The following SLC25A24 variants were observed in gnomAD, a reference collection of about 807,000 sequenced individuals.
SLC25A24 encodes mitochondrial adenyl nucleotide antiporter SLC25A24.
Under a neutral mutation model 60.7 loss-of-function variants are expected in SLC25A24, and 49 were observed. The observed-to-expected ratio is 0.81, with a 90% CI of 0.64 to 1.02. The LOEUF is 1.02. Ranked by LOEUF, SLC25A24 falls within the 50% of genes least tolerant of loss-of-function variation. SLC25A24 has a pLI of 0.00. For missense variants in SLC25A24, 564 were observed against 586.3 expected, an observed-to-expected ratio of 0.96 and a Z score of 0.39; for synonymous variants, 202 against 200.6, an observed-to-expected ratio of 1.01 and a Z score of -0.06.
chr1:108,180,799 G>A (rs1647899099), intron 3 of SLC25A24, among the ~76,000 whole-genome samples: 1 of 152,116 alleles, frequency 6.6e-6, no homozygotes, highest in Non-Finnish European at 1.5e-5. Flanking sequence ...AATTTCCATT[G>A]TTTAATGCAT....
intron 3 of SLC25A24, among the ~76,000 whole-genome samples, chr1:108,164,864 A>G (rs1680199290): frequency 1.1e-5 from 1 of 94,384 alleles, no homozygotes; most frequent in Non-Finnish European, 2.2e-5. Flanking sequence ...TTGCTTTTCT[A>G]GTTCTTTTAA....
intron 3 of SLC25A24, among the ~76,000 whole-genome samples, chr1:108,172,911 G>A (rs1033832089): frequency 1.2e-4 from 18 of 151,582 alleles, no homozygotes; most frequent in African/African-American, 4.4e-4. Context: ...ATAAACACTA[G>A]TAATAATAAT....
intron 3 of SLC25A24, among the ~76,000 whole-genome samples, chr1:108,174,363 A>C (rs1225584737): frequency 6.6e-6 from 1 of 152,228 alleles, no homozygotes; most frequent in Non-Finnish European, 1.5e-5. Context: ...AGCTTCCACA[A>C]GGTGTTGAGT....
chr1:108,167,205 AG>A (rs1363249714), intron 3 of SLC25A24, among the ~76,000 whole-genome samples: 1 of 151,100 alleles, frequency 6.6e-6, no homozygotes, highest in Non-Finnish European at 1.5e-5. Flanking sequence ...GCTGTCAGAC[AG>A]GGACATTTAA....
intron 7 of SLC25A24, among the ~76,000 whole-genome samples, chr1:108,147,772 T>C (rs1488232171): frequency 1.3e-5 from 2 of 152,110 alleles, no homozygotes; most frequent in East Asian, 3.9e-4. Flanking sequence ...TGACCCCCAG[T>C]GATATTTGTC....
intron 3 of SLC25A24, among the ~76,000 whole-genome samples, chr1:108,178,504 C>T (rs536502231): frequency 2.0e-4 from 31 of 152,092 alleles, no homozygotes; most frequent in Non-Finnish European, 3.7e-4. Flanking sequence ...GTTTCTTTTC[C>T]GACCACAATA....
chr1:108,167,645 T>G (rs1305923819), intron 3 of SLC25A24, among the ~76,000 whole-genome samples: 1 of 152,200 alleles, frequency 6.6e-6, no homozygotes, highest in Non-Finnish European at 1.5e-5. Context: ...TCGCCCTGCT[T>G]CGGCTCGCGC....
rs1455709312 is a variant in SLC25A24 at position 108,155,117 on chromosome 1, C to T, written c.688G>A (p.Asp230Asn). ...AAGCCACCAAATATGTTCATTTTGT[C>T]TGATTTTGAACCGTGAACCTAAAAA... Reference protein sequence around the residue: ...IMMQVHGSKSDKMNIFGGFRQ... With the variant: ...IMMQVHGSKSNKMNIFGGFRQ... Residue 230 changes from aspartate (D) to asparagine (N), a missense_variant, in exon 6 of 10, where the codon GAC becomes AAC. Physicochemically the swap from Asp to Asn is conservative, Grantham distance 23. Transcript: ENST00000565488. 7 of 1,609,894 alleles carry T rather than the reference C, an allele frequency of 4.3e-6. No homozygotes were observed. Among genetic ancestry groups the T allele is most frequent in the Non-Finnish European group, 5.9e-6 (7 of 1,178,206 alleles).
intron 8 of SLC25A24, 65 bp downstream of exon 8, chr1:108,143,478 T>C: frequency 7.4e-7 from 1 of 1,355,282 alleles, no homozygotes; most frequent in South Asian, 1.4e-5. Context: ...TACTTCTTCA[T>C]ATAAAGTCCA....
chr1:108,199,940 C>A lies in SLC25A24; in HGVS notation c.183+16G>T. ...AGCCCTCCCTACGCTCAGGCGGCGCCCCGGCGGCGACCCACCTCCTCGGCG... is the reference window on the plus strand; with the variant it reads ...AGCCCTCCCTACGCTCAGGCGGCGCACCGGCGGCGACCCACCTCCTCGGCG... On this transcript the variant is annotated intron_variant, in intron 1 of 9. Transcript: ENST00000565488. The A allele has an allele frequency of 6.3e-7, 1 of 1,594,790 alleles. No individual in the cohort carries two copies. The highest frequency in any genetic ancestry group is 8.5e-7 in the Non-Finnish European group (1 of 1,170,790).
At chr1:108,193,346 C>A (rs1055361347) in intron 1 of SLC25A24, among the ~76,000 whole-genome samples, 3 of 137,554 alleles carry the variant, frequency 2.2e-5, no homozygotes, top group Non-Finnish European at 3.2e-5. Context: ...CTCCCTCCCC[C>A]CTTTTGGAGT....
intron 3 of SLC25A24, among the ~76,000 whole-genome samples, chr1:108,163,792 C>T (rs1680163109): frequency 6.6e-6 from 1 of 152,026 alleles, no homozygotes; most frequent in Non-Finnish European, 1.5e-5. Flanking sequence ...TTTCCTTCTC[C>T]TGCCTAACTG....
rs867464609 is a variant in SLC25A24, at chr1:108,187,779, G to A, written c.184-1825C>T. On this transcript the variant is annotated intron_variant, in intron 1 of 9. Transcript: ENST00000565488. ...ATTTTCCAACCCATTTTATGAGGCG[G>A]GTATACACTTGATTCTAAAACCTAA... Among the ~76,000 whole-genome samples the A allele has an allele frequency of 4.0e-5, 6 of 151,162 alleles. No homozygotes were observed. In the Middle Eastern group the frequency reaches 0.01, roughly 259 times the overall value.
intron 7 of SLC25A24, among the ~76,000 whole-genome samples, chr1:108,145,667 G>T (rs1679571226): frequency 6.6e-6 from 1 of 152,124 alleles, no homozygotes. Context: ...CATTAAATAA[G>T]GAATCCTTTC....
Position 108,136,761 on chromosome 1 carries a change from T to C in SLC25A24, c.1326A>G (p.Gly442=). 6.2e-7 allele frequency: 1 copy of C among 1,614,132 alleles called. No homozygotes were observed. Among genetic ancestry groups the C allele is most frequent in the Non-Finnish European group, 8.5e-7 (1 of 1,179,970 alleles). The change falls in exon 10 of 10, where the codon GGA becomes GGG. Residue 442 remains glycine, a synonymous_variant. Transcript: ENST00000565488. ...AGTTTGGGGTGATGCCTCTGTAAAG[T>C]CCTGGTATTCCTTCTTTGGAAATAA... ...RRIISKEGIP[G]LYRGITPNFM...
chr1:108,139,262 A>G, intron 8 of SLC25A24, 54 bp from the exon 9 acceptor site: 2 of 1,520,550 alleles, frequency 1.3e-6, no homozygotes, highest in Non-Finnish European at 1.8e-6. Flanking sequence ...CTTCAACGTA[A>G]ACATTTTCAC....
chr1:108,146,729 C>T lies in SLC25A24; in HGVS notation c.930+1550G>A, dbSNP rs550439498. On this transcript the variant is annotated intron_variant, in intron 7 of 9. Transcript: ENST00000565488. ...TGATGAATTCCGTTATATTGATTTG[C>T]ATATGTTGAACAGCCTTGCATCCCA... is the stretch of plus-strand genomic sequence containing the variant. 6.6e-5 allele frequency among the ~76,000 whole-genome samples: 10 copies of T among 152,272 alleles called. No homozygotes were observed. In the East Asian group the frequency reaches 1.7e-3, roughly 26 times the overall value.
intron 2 of SLC25A24, 76 bp from the exon 3 acceptor site, chr1:108,182,104 CTCATT>C: frequency 9.8e-7 from 1 of 1,019,402 alleles, no homozygotes; most frequent in Non-Finnish European, 1.5e-6. Flanking sequence ...TTTCAAATCT[CTCATT>C]TAAGAGAAAG....
chr1:108,157,387 C>A (rs901902664), intron 5 of SLC25A24, 75 bp downstream of exon 5: 10 of 1,461,576 alleles, frequency 6.8e-6, no homozygotes, highest in Non-Finnish European at 9.2e-6. Flanking sequence ...TTTAAAACTT[C>A]TTTTTCAAAG....
Sources: gnomAD v4.1 joint callset for allele counts (sites outside exome capture counted in the v4.1 genomes callset) on GRCh38, gnomAD v4.1.1 for gene constraint, MANE v1.5 for transcripts, NCBI Gene and HGNC (gene_info 2026-07-23, HGNC 2026-07-21) for gene names.